SMIM14: variants seen among roughly 807,000 people sequenced by gnomAD.
SMIM14 encodes chromosome 4 open reading frame 34.
In SMIM14, 5 loss-of-function variants were observed where a neutral mutation model predicts 12.6. The observed-to-expected ratio is 0.40, with a 90% CI of 0.21 to 0.83. SMIM14 has a LOEUF of 0.83. Ranked by LOEUF, SMIM14 falls within the 40% of genes least tolerant of loss-of-function variation. The probability of loss-of-function intolerance (pLI) is 0.37; values close to 1 mark genes in which losing one functional copy is unlikely to be tolerated. For synonymous variants in SMIM14, 30 were observed against 40.1 expected (o/e 0.75, Z 0.95); for missense variants, 86 against 119.1 (o/e 0.72, Z 1.29).
intron 2 of SMIM14, among the ~76,000 whole-genome samples, chr4:39,582,781 T>C (rs1713581102): frequency 6.6e-6 from 1 of 152,070 alleles, no homozygotes; most frequent in African/African-American, 2.4e-5. Context: ...GTGTTTCACC[T>C]TTAATTTTTT....
intron 1 of SMIM14, among the ~76,000 whole-genome samples, chr4:39,606,735 C>T (rs1412031577): frequency 1.3e-5 from 2 of 151,998 alleles, no homozygotes; most frequent in African/African-American, 4.8e-5. Context: ...CTATCACTGG[C>T]CCAGTTTACT....
chr4:39,610,051 C>A (rs113411340), intron 1 of SMIM14, among the ~76,000 whole-genome samples: 1 of 152,218 alleles, frequency 6.6e-6, no homozygotes, highest in Non-Finnish European at 1.5e-5. Flanking sequence ...AGTGCAGTGG[C>A]GCGAACACAC....
chr4:39,563,874 T>C (rs868653858), intron 3 of SMIM14, among the ~76,000 whole-genome samples: 2 of 152,080 alleles, frequency 1.3e-5, no homozygotes, highest in Non-Finnish European at 2.9e-5. Flanking sequence ...TTTTTCTTTC[T>C]CCTCTTCCTC....
At position 39,550,994 on chromosome 4, in the gene SMIM14, C is replaced by A. The variant is rs1711673593; in HGVS notation, c.*1132G>T. 1 of 151,956 alleles carries A rather than the reference C, an allele frequency of 6.6e-6. No homozygotes were observed. The highest frequency in any genetic ancestry group is 2.1e-4 in the South Asian group (1 of 4,828). The allele number at this position is 151,956 out of a possible 1,614,324, so 9.4% of individuals were successfully genotyped here. On this transcript the variant is annotated 3_prime_UTR_variant, in exon 5 of 5. Coordinates refer to ENST00000295958, the MANE Select transcript of SMIM14 (RefSeq NM_174921.3). ...GTGCGATCTTGGTTCACTGCAACCTCCACCTCCCGGGTTCAAGCAATTCTC... is the reference window on the plus strand; with the variant it reads ...GTGCGATCTTGGTTCACTGCAACCTACACCTCCCGGGTTCAAGCAATTCTC...
intron 1 of SMIM14, among the ~76,000 whole-genome samples, chr4:39,631,813 A>C (rs530316965): frequency 9.7e-4 from 147 of 152,312 alleles, no homozygotes; most frequent in African/African-American, 3.3e-3. Flanking sequence ...AAAGCTCTGC[A>C]CTTGTAATAC....
chr4:39,625,078 T>C (rs1578368149), intron 1 of SMIM14, among the ~76,000 whole-genome samples: 2 of 148,306 alleles, frequency 1.3e-5, no homozygotes, highest in African/African-American at 5.0e-5. Flanking sequence ...GTTAGCTGGG[T>C]GTGGTGGTGC....
chr4:39,562,633 C>T (rs143676941), intron 3 of SMIM14, among the ~76,000 whole-genome samples: 60 of 152,072 alleles, frequency 3.9e-4, no homozygotes, highest in Non-Finnish European at 6.5e-4. Context: ...AAATTGTAGG[C>T]GCATGCTGCC....
chr4:39,624,690 G>C (rs1320668883), intron 1 of SMIM14, among the ~76,000 whole-genome samples: 1 of 151,054 alleles, frequency 6.6e-6, no homozygotes, highest in East Asian at 2.0e-4. Context: ...TGGGCGTGGT[G>C]GTGTGTCCCT....
At chr4:39,577,556 T>G (rs1313323171) in intron 2 of SMIM14, among the ~76,000 whole-genome samples, 3 of 151,774 alleles carry the variant, frequency 2.0e-5, no homozygotes, top group African/African-American at 7.3e-5. Flanking sequence ...GCCTCCCAAG[T>G]AGCTGAGATT....
Position 39,632,779 on chromosome 4 carries a change from A to T in SMIM14, c.-36+5960T>A, listed in dbSNP as rs1263389617. On this transcript the variant is annotated intron_variant, in intron 1 of 4. Transcript: ENST00000295958. ...GATGACAGAGTGAGACTCCCGTCAC[A>T]CACACACACACACACACACACACAC... Among the ~76,000 whole-genome samples the T allele has an allele frequency of 6.4e-4, 13 of 20,228 alleles. No homozygotes were observed. In the African/African-American group the frequency reaches 7.3e-3, roughly 11 times the overall value. 13.3% of individuals were successfully genotyped at this position (20,228 alleles called of 152,430 possible).
At chr4:39,577,695 TG>T in intron 2 of SMIM14, among the ~76,000 whole-genome samples, 1 of 152,298 alleles carries the variant, frequency 6.6e-6, no homozygotes, top group African/African-American at 2.4e-5. Flanking sequence ...CCTAAAGTGC[TG>T]GGATTTAGGT....
At chr4:39,567,737 CAAAA>C (rs1289641965) in intron 3 of SMIM14, among the ~76,000 whole-genome samples, 1 of 151,240 alleles carries the variant, frequency 6.6e-6, no homozygotes, top group Non-Finnish European at 1.5e-5. Context: ...GACTCCGTCT[CAAAA>C]GAAAGGAAAA....
intron 2 of SMIM14, among the ~76,000 whole-genome samples, chr4:39,603,215 A>G (rs1217472793): frequency 5.3e-5 from 8 of 152,238 alleles, no homozygotes; most frequent in Non-Finnish European, 1.0e-4. Flanking sequence ...ATAAGAATAT[A>G]CTTCACTGTT....
chr4:39,578,761 C>T (rs1310143791), intron 2 of SMIM14, among the ~76,000 whole-genome samples: 2 of 151,956 alleles, frequency 1.3e-5, no homozygotes, highest in East Asian at 3.9e-4. Flanking sequence ...TTTGGGAGGT[C>T]GAGGCAGGTG....
intron 2 of SMIM14, among the ~76,000 whole-genome samples, chr4:39,587,385 T>C (rs2110032414): frequency 6.7e-6 from 1 of 148,868 alleles, no homozygotes; most frequent in Non-Finnish European, 1.5e-5. Flanking sequence ...TAGTCCCAGC[T>C]ACTCGGGAGG....
chr4:39,565,572 C>A (rs1366983381), intron 3 of SMIM14, among the ~76,000 whole-genome samples: 1 of 152,204 alleles, frequency 6.6e-6, no homozygotes, highest in Non-Finnish European at 1.5e-5. Context: ...GATCTGCCTG[C>A]TTTGGCCTCC....
chr4:39,575,663 C>T (rs1385844266), intron 2 of SMIM14, among the ~76,000 whole-genome samples: 2 of 151,978 alleles, frequency 1.3e-5, no homozygotes, highest in African/African-American at 2.4e-5. Flanking sequence ...TGGCTCACTG[C>T]AATCTCTGCC....
intron 4 of SMIM14, among the ~76,000 whole-genome samples, 172 bp downstream of exon 4, chr4:39,556,256 T>G (rs936584909): frequency 5.3e-5 from 8 of 152,226 alleles, no homozygotes; most frequent in Non-Finnish European, 1.2e-4. Flanking sequence ...AAGATTAAGC[T>G]GTCAATTAAA....
At chr4:39,610,961 A>G (rs1319791856) in intron 1 of SMIM14, among the ~76,000 whole-genome samples, 1 of 152,126 alleles carries the variant, frequency 6.6e-6, no homozygotes, top group African/African-American at 2.4e-5. Flanking sequence ...TAACAACCAA[A>G]ACCAATAAAA....
Sources: allele counts gnomAD v4.1 joint callset (sites outside exome capture counted in the v4.1 genomes callset), GRCh38; gene constraint gnomAD v4.1.1; transcripts MANE v1.5; gene names NCBI Gene and HGNC (gene_info 2026-07-23, HGNC 2026-07-21).